FGF14: variants seen among roughly 807,000 people sequenced by gnomAD.
FGF14 encodes fibroblast growth factor homologous factor 4.
In FGF14, 5 loss-of-function variants were observed where a neutral mutation model predicts 25.5. That is an observed-to-expected ratio of 0.20 (90% CI 0.10 to 0.41). The LOEUF (loss-of-function observed/expected upper bound fraction) is 0.41. Among genes scored for constraint, FGF14 ranks in the 10% least tolerant of loss-of-function variants. The probability of loss-of-function intolerance (pLI) is 1.00; values close to 1 mark genes in which losing one functional copy is unlikely to be tolerated. For missense variants in FGF14, 222 were observed against 320.1 expected, an observed-to-expected ratio of 0.69 and a Z score of 2.34; for synonymous variants, 138 against 118.3, an observed-to-expected ratio of 1.17 and a Z score of -1.08.
chr13:102,124,528 T>A (rs112690200), intron 1 of FGF14, among the ~76,000 whole-genome samples: 159 of 152,194 alleles, frequency 1.0e-3, no homozygotes, highest in African/African-American at 3.6e-3. Context: ...TCACTAAAAT[T>A]AAAGATTTAA....
chr13:102,289,081 T>G (rs766376927), intron 1 of FGF14, among the ~76,000 whole-genome samples: 2 of 152,122 alleles, frequency 1.3e-5, no homozygotes, highest in African/African-American at 4.8e-5. Flanking sequence ...ATCAGAGAAG[T>G]AGGGATTCAG....
At chr13:101,914,838 GA>G (rs549614634) in intron 1 of FGF14, among the ~76,000 whole-genome samples, 3,515 of 152,246 alleles carry the variant, frequency 0.023, 46 homozygotes, top group Non-Finnish European at 0.036. Context: ...TGTATGTGGT[GA>G]AAACTGTATT....
intron 1 of FGF14, among the ~76,000 whole-genome samples, chr13:102,115,821 G>A (rs2045443100): frequency 6.6e-6 from 1 of 151,778 alleles, no homozygotes; most frequent in Non-Finnish European, 1.5e-5. Flanking sequence ...AAATAAAGTA[G>A]AAAAAAACAG....
chr13:101,857,231 G>A (rs1012675012), intron 3 of FGF14, among the ~76,000 whole-genome samples: 1 of 151,936 alleles, frequency 6.6e-6, no homozygotes, highest in African/African-American at 2.4e-5. Context: ...TAGGAGCCAG[G>A]ATGAATGCCC....
At chr13:101,887,010 T>C (rs1436441662) in intron 1 of FGF14, among the ~76,000 whole-genome samples, 1 of 152,130 alleles carries the variant, frequency 6.6e-6, no homozygotes, top group African/African-American at 2.4e-5. Flanking sequence ...CTCACCCCAG[T>C]TGACATGGCT....
At chr13:101,867,889 GACAC>G (rs370683665) in intron 3 of FGF14, among the ~76,000 whole-genome samples, 19,615 of 140,556 alleles carry the variant, frequency 0.14, 1,368 homozygotes, top group East Asian at 0.18. Context: ...TTCTGTTTAA[GACAC>G]ACACACACAC....
rs571097809 is a variant in FGF14, at chr13:101,846,312, A to T, written c.408+22413T>A. Among the ~76,000 whole-genome samples the T allele has an allele frequency of 1.0e-3, 151 of 148,652 alleles. 1 individual carries two copies. In the South Asian group the frequency reaches 0.013, roughly 13 times the overall value. ...TAAAAAAATTACTCCATCTTTTTTT[A>T]AAAAAAAAATCATCAGCCTTTATGA... is the stretch of plus-strand genomic sequence containing the variant. On this transcript the variant is annotated intron_variant, in intron 3 of 4. Coordinates refer to ENST00000376143, the MANE Select transcript of FGF14 (RefSeq NM_004115.4).
chr13:101,799,131 C>T (rs1176286176), intron 3 of FGF14, among the ~76,000 whole-genome samples: 1 of 152,082 alleles, frequency 6.6e-6, no homozygotes, highest in African/African-American at 2.4e-5. Context: ...TGTTCAACAT[C>T]TACTCAAGTC....
intron 1 of FGF14, among the ~76,000 whole-genome samples, chr13:102,339,086 A>G (rs2056875569): frequency 6.6e-6 from 1 of 151,932 alleles, no homozygotes; most frequent in South Asian, 2.1e-4. Context: ...TAATCCAATA[A>G]GGGGATTAGA....
intron 1 of FGF14, among the ~76,000 whole-genome samples, chr13:102,137,168 C>T (rs1339428505): frequency 6.6e-6 from 1 of 152,130 alleles, no homozygotes; most frequent in Non-Finnish European, 1.5e-5. Context: ...ATAAAAATCC[C>T]AACTTTTGTT....
intron 3 of FGF14, among the ~76,000 whole-genome samples, chr13:101,758,712 A>G (rs1433308272): frequency 6.6e-6 from 1 of 152,202 alleles, no homozygotes; most frequent in African/African-American, 2.4e-5. Context: ...GAAAAAGTCC[A>G]TGAAAGGATG....
intron 1 of FGF14, among the ~76,000 whole-genome samples, chr13:101,971,652 G>A (rs1383843732): frequency 6.6e-6 from 1 of 152,138 alleles, no homozygotes; most frequent in African/African-American, 2.4e-5. Flanking sequence ...GATTATAGGC[G>A]TGAGCCACCA....
intron 1 of FGF14, among the ~76,000 whole-genome samples, chr13:102,022,266 A>C (rs2040698276): frequency 6.6e-6 from 1 of 152,144 alleles, no homozygotes; most frequent in African/African-American, 2.4e-5. Context: ...AGCAGGTATC[A>C]TACCTTTGTA....
At position 101,713,525 on chromosome 13, in the gene FGF14, A is replaced by C. The variant is rs572389420; in HGVS notation, c.*9306T>G. The C allele has an allele frequency of 6.6e-6, 1 of 152,324 alleles. No individual in the cohort carries two copies. The highest frequency in any genetic ancestry group is 6.5e-5 in the Admixed American group (1 of 15,296). The allele number at this position is 152,324 out of a possible 1,614,324, so 9.4% of individuals were successfully genotyped here. On this transcript the variant is annotated 3_prime_UTR_variant, in exon 5 of 5. Transcript: ENST00000376143. ...ACCCAAGGAAACAGAAGGAAAAGAA[A>C]GTCCTTTTTATTTGTTTCTTTTTCA...
intron 1 of FGF14, among the ~76,000 whole-genome samples, chr13:102,071,740 G>C (rs1166015288): frequency 1.3e-5 from 2 of 152,064 alleles, no homozygotes; most frequent in Non-Finnish European, 2.9e-5. Context: ...CTCCATAGGA[G>C]ATACCTACTG....
intron 1 of FGF14, among the ~76,000 whole-genome samples, chr13:102,200,921 T>C (rs981974479): frequency 6.6e-6 from 1 of 151,524 alleles, no homozygotes; most frequent in Non-Finnish European, 1.5e-5. Flanking sequence ...GCTAACATGG[T>C]GAAACCCCGT....
chr13:102,288,934 T>C (rs1401183484), intron 1 of FGF14, among the ~76,000 whole-genome samples: 1 of 152,120 alleles, frequency 6.6e-6, no homozygotes, highest in Non-Finnish European at 1.5e-5. Context: ...TTTCTCTATA[T>C]TCTGTGAATT....
At chr13:102,118,743 A>T (rs1043800329) in intron 1 of FGF14, among the ~76,000 whole-genome samples, 1 of 152,048 alleles carries the variant, frequency 6.6e-6, no homozygotes, top group Non-Finnish European at 1.5e-5. Flanking sequence ...AAATACATAC[A>T]ATTTTATGTC....
At chr13:102,003,416 A>G (rs1014105737) in intron 1 of FGF14, 1 of 152,220 alleles carries the variant, frequency 6.6e-6, no homozygotes, top group African/African-American at 2.4e-5. Context: ...GATGAGGCTG[A>G]CTGGATTATA....
Sources: allele counts gnomAD v4.1 joint callset (sites outside exome capture counted in the v4.1 genomes callset), GRCh38; gene constraint gnomAD v4.1.1; transcripts MANE v1.5; gene names NCBI Gene and HGNC (gene_info 2026-07-23, HGNC 2026-07-21).